SLC35F3: variants seen among roughly 807,000 people sequenced by gnomAD.
SLC35F3 encodes solute carrier family 35 member F3.
SLC35F3 carries 25 observed loss-of-function variants against 49.9 expected under a neutral mutation model. The ratio of observed to expected loss-of-function variants is 0.50; its 90% CI spans 0.37 to 0.70. The LOEUF (loss-of-function observed/expected upper bound fraction) is 0.70, where lower values mean the gene tolerates loss of function less well. SLC35F3 is among the 30% of genes least tolerant of loss of function. The pLI, the probability that SLC35F3 is intolerant of heterozygous loss-of-function variation, is 0.00. For missense variants in SLC35F3, 525 were observed against 639.8 expected, an observed-to-expected ratio of 0.82 and a Z score of 1.94; for synonymous variants, 275 against 265.4, an observed-to-expected ratio of 1.04 and a Z score of -0.35.
intron 2 of SLC35F3, among the ~76,000 whole-genome samples, chr1:234,164,604 T>C (rs188123268): frequency 1.0e-3 from 158 of 151,914 alleles, no homozygotes; most frequent in Non-Finnish European, 1.7e-3. Context: ...AAGCTGTTGG[T>C]TTGTTGTTTT....
At chr1:234,135,929 G>A (rs190413191) in intron 2 of SLC35F3, among the ~76,000 whole-genome samples, 12 of 152,290 alleles carry the variant, frequency 7.9e-5, no homozygotes, top group Middle Eastern at 6.8e-3. Flanking sequence ...CCAGTCCTCC[G>A]CTGTGTTAAC....
At chr1:234,270,565 CA>C (rs1668082215) in intron 3 of SLC35F3, among the ~76,000 whole-genome samples, 2 of 152,194 alleles carry the variant, frequency 1.3e-5, no homozygotes, top group African/African-American at 4.8e-5. Context: ...GCTACCGTTC[CA>C]ATGACATTCA....
chr1:234,121,875 G>A (rs1048538043), intron 2 of SLC35F3, among the ~76,000 whole-genome samples: 10 of 152,116 alleles, frequency 6.6e-5, no homozygotes, highest in Admixed American at 1.3e-4. Context: ...CATCCACATC[G>A]CTACAAAGGA....
intron 2 of SLC35F3, among the ~76,000 whole-genome samples, chr1:234,058,850 T>G (rs1403613670): frequency 1.3e-5 from 2 of 152,216 alleles, no homozygotes; most frequent in Non-Finnish European, 2.9e-5. Context: ...AAAATCTCTT[T>G]ACTCATTATG....
intron 2 of SLC35F3, among the ~76,000 whole-genome samples, chr1:234,112,206 C>G (rs962997017): frequency 6.6e-5 from 10 of 151,856 alleles, no homozygotes; most frequent in African/African-American, 2.4e-4. Context: ...AATAAAGGAG[C>G]CAGGCATGGT....
At chr1:234,296,275 T>C (rs1329716755) in intron 3 of SLC35F3, among the ~76,000 whole-genome samples, 1 of 151,764 alleles carries the variant, frequency 6.6e-6, no homozygotes, top group Non-Finnish European at 1.5e-5. Context: ...CGCAAAAAAA[T>C]CACATTTTGC....
intron 2 of SLC35F3, among the ~76,000 whole-genome samples, chr1:233,929,597 T>G (rs895642537): frequency 6.6e-6 from 1 of 152,228 alleles, no homozygotes; most frequent in Non-Finnish European, 1.5e-5. Context: ...CTCTTTGGAT[T>G]AATTATGTTG....
intron 2 of SLC35F3, among the ~76,000 whole-genome samples, chr1:234,196,196 T>C (rs962176238): frequency 7.2e-5 from 11 of 152,100 alleles, no homozygotes; most frequent in African/African-American, 2.7e-4. Flanking sequence ...CACCCAAAAA[T>C]TACTGCCCCC....
chr1:234,015,988 A>G (rs2102840165), intron 2 of SLC35F3, among the ~76,000 whole-genome samples: 1 of 152,350 alleles, frequency 6.6e-6, no homozygotes, highest in Non-Finnish European at 1.5e-5. Flanking sequence ...TGGACAAAGA[A>G]CTTGAATAGA....
At chr1:234,149,884 A>G (rs1666052957) in intron 2 of SLC35F3, among the ~76,000 whole-genome samples, 1 of 152,192 alleles carries the variant, frequency 6.6e-6, no homozygotes, top group East Asian at 1.9e-4. Context: ...GAACAGTCCA[A>G]TCTCAGGCCA....
At chr1:234,154,312 G>A (rs1194154392) in intron 2 of SLC35F3, among the ~76,000 whole-genome samples, 1 of 152,152 alleles carries the variant, frequency 6.6e-6, no homozygotes, top group Non-Finnish European at 1.5e-5. Flanking sequence ...TGTAATGGGG[G>A]AAGTTAAGCA....
At chr1:234,321,216 C>T (rs1343851599) in intron 7 of SLC35F3, among the ~76,000 whole-genome samples, 1 of 152,156 alleles carries the variant, frequency 6.6e-6, no homozygotes, top group Non-Finnish European at 1.5e-5. Flanking sequence ...AGAAGGACTG[C>T]CTCACAGCGG....
intron 2 of SLC35F3, among the ~76,000 whole-genome samples, chr1:234,083,839 CT>C (rs35359755): frequency 0.63 from 86,905 of 137,984 alleles, 28,357 homozygotes; most frequent in Non-Finnish European, 0.75. Context: ...TTGGTTTTGG[CT>C]TTTTTTTTTT....
rs1163714650 is a variant in SLC35F3 at position 234,231,909 on chromosome 1, G to T, written c.608+168G>T. Among the ~76,000 whole-genome samples the T allele has an allele frequency of 6.6e-6, 1 of 152,156 alleles. No individual in the cohort carries two copies. The highest frequency in any genetic ancestry group is 1.5e-5 in the Non-Finnish European group (1 of 68,026). ...TCAGTGGGGTCGGGAGCAGAATTCTGTCTACCCTGGGTAGTGAACGCCTCC... is the reference window on the plus strand; with the variant it reads ...TCAGTGGGGTCGGGAGCAGAATTCTTTCTACCCTGGGTAGTGAACGCCTCC... On this transcript the variant is annotated intron_variant, in intron 3 of 7. Coordinates refer to ENST00000366618, the MANE Select transcript of SLC35F3 (RefSeq NM_173508.4). This position sits in a 1 kb window ranked among gnomAD's most constrained non-coding sequence, Gnocchi z 5.4.
intron 2 of SLC35F3, among the ~76,000 whole-genome samples, chr1:234,036,404 T>A (rs1353239566): frequency 6.6e-6 from 1 of 152,182 alleles, no homozygotes; most frequent in Non-Finnish European, 1.5e-5. Context: ...AGTGTACATA[T>A]CTTTGGATCT....
At chr1:234,081,006 A>G (rs538464764) in intron 2 of SLC35F3, among the ~76,000 whole-genome samples, 1 of 152,308 alleles carries the variant, frequency 6.6e-6, no homozygotes, top group South Asian at 2.1e-4. Flanking sequence ...TGCCACAATT[A>G]TTCAACCATA....
Position 234,231,290 on chromosome 1 carries a change from C to T in SLC35F3, c.284-127C>T, listed in dbSNP as rs892672277. 6.5e-6 allele frequency: 5 copies of T among 772,852 alleles called. No individual in the cohort carries two copies. The highest frequency in any genetic ancestry group is 3.1e-5 in the Admixed American group (1 of 32,502). 47.9% of individuals were successfully genotyped at this position (772,852 alleles called of 1,614,324 possible). A position where few individuals can be genotyped will look rare whatever the true frequency, so the allele number is the denominator to read the frequency against. On this transcript the variant is annotated intron_variant, in intron 2 of 7. Transcript: ENST00000366618. This position sits in a 1 kb window ranked among gnomAD's most constrained non-coding sequence, Gnocchi z 5.4. ...TGTCACACAGCCGCCCTGGAAGCCG[C>T]CCCTGCACCCGCTATCTCCCCGGGC...
intron 2 of SLC35F3, among the ~76,000 whole-genome samples, chr1:233,990,953 G>T (rs1347467567): frequency 3.9e-5 from 6 of 152,198 alleles, no homozygotes; most frequent in Admixed American, 3.9e-4. Context: ...CTGCCCTTAT[G>T]TAATAGAAGG....
At position 234,248,562 on chromosome 1, in the gene SLC35F3, C is replaced by T. The variant is rs1378725521; in HGVS notation, c.608+16821C>T. ...TGTTTGGTGGGTTGGTTGGCTGGTTCATTTTTGGTTTCAGGGGTATTTAGC... is the reference window on the plus strand; with the variant it reads ...TGTTTGGTGGGTTGGTTGGCTGGTTTATTTTTGGTTTCAGGGGTATTTAGC... On this transcript the variant is annotated intron_variant, in intron 3 of 7. Transcript: ENST00000366618. 2.0e-5 allele frequency among the ~76,000 whole-genome samples: 3 copies of T among 152,152 alleles called. 1 individual carries two copies. The highest frequency in any genetic ancestry group is 7.2e-5 in the African/African-American group (3 of 41,412).
Sources: allele counts gnomAD v4.1 joint callset (sites outside exome capture counted in the v4.1 genomes callset), GRCh38; gene constraint gnomAD v4.1.1; non-coding constraint Gnocchi (gnomAD v3.1); transcripts MANE v1.5; gene names NCBI Gene and HGNC (gene_info 2026-07-23, HGNC 2026-07-21).